The following SLC35F1 variants were observed in gnomAD, a reference collection of about 807,000 sequenced individuals.
SLC35F1 encodes the protein chromosome 6 open reading frame 169.
Under a neutral mutation model 48.7 loss-of-function variants are expected in SLC35F1, and 14 were observed. That is an observed-to-expected ratio of 0.29 (90% CI 0.19 to 0.45). SLC35F1 has a LOEUF of 0.45. SLC35F1 is among the 20% of genes least tolerant of loss of function. The pLI is 1.00. For missense variants in SLC35F1, 404 were observed against 500.0 expected, an observed-to-expected ratio of 0.81 and a Z score of 1.83; for synonymous variants, 190 against 202.2, an observed-to-expected ratio of 0.94 and a Z score of 0.51.
chr6:118,075,716 G>A (rs1015861988), intron 1 of SLC35F1, among the ~76,000 whole-genome samples: 7 of 152,118 alleles, frequency 4.6e-5, no homozygotes, highest in African/African-American at 1.7e-4. Flanking sequence ...GGTGCTTAAT[G>A]GATATAGATT....
intron 1 of SLC35F1, among the ~76,000 whole-genome samples, chr6:117,930,147 C>G (rs1002183323): frequency 6.6e-6 from 1 of 152,062 alleles, no homozygotes; most frequent in African/African-American, 2.4e-5. Flanking sequence ...TTGTTTTGTC[C>G]CTTTGACAGA....
At chr6:118,210,477 G>T (rs930186780) in intron 2 of SLC35F1, among the ~76,000 whole-genome samples, 1 of 152,164 alleles carries the variant, frequency 6.6e-6, no homozygotes, top group African/African-American at 2.4e-5. Flanking sequence ...ACAAACAAAA[G>T]AGTAGAAAAA....
At chr6:117,969,736 A>G (rs1239383063) in intron 1 of SLC35F1, among the ~76,000 whole-genome samples, 1 of 152,066 alleles carries the variant, frequency 6.6e-6, no homozygotes, top group East Asian at 1.9e-4. Flanking sequence ...ATCATCTGCA[A>G]TTTCATAACC....
intron 2 of SLC35F1, among the ~76,000 whole-genome samples, chr6:118,234,205 C>A (rs1341792437): frequency 4.6e-5 from 7 of 152,178 alleles, no homozygotes; most frequent in Non-Finnish European, 1.0e-4. Context: ...CTAAGATGGC[C>A]TCCAAGGATC....
intron 3 of SLC35F1, among the ~76,000 whole-genome samples, chr6:118,241,951 G>A (rs868529398): frequency 7.2e-5 from 11 of 152,168 alleles, no homozygotes; most frequent in African/African-American, 2.7e-4. Context: ...GAATAAACCA[G>A]AATTTGTTTA....
At chr6:118,243,767 G>A (rs755900767) in intron 3 of SLC35F1, among the ~76,000 whole-genome samples, 31 of 152,152 alleles carry the variant, frequency 2.0e-4, no homozygotes, top group African/African-American at 3.6e-4. Flanking sequence ...CATTAGAAAC[G>A]GGTCCCAGGA....
At chr6:118,150,902 C>G (rs967073694) in intron 1 of SLC35F1, among the ~76,000 whole-genome samples, 1 of 152,132 alleles carries the variant, frequency 6.6e-6, no homozygotes, top group Non-Finnish European at 1.5e-5. Flanking sequence ...TTCCTTTTCA[C>G]TTAGTCACTA....
At chr6:118,295,262 A>T (rs1174176627) in intron 7 of SLC35F1, among the ~76,000 whole-genome samples, 1 of 152,150 alleles carries the variant, frequency 6.6e-6, no homozygotes, top group African/African-American at 2.4e-5. Flanking sequence ...AAAGAATGAT[A>T]TCCAGACAAT....
At chr6:118,068,578 A>G (rs1183923680) in intron 1 of SLC35F1, among the ~76,000 whole-genome samples, 2 of 152,202 alleles carry the variant, frequency 1.3e-5, no homozygotes, top group Admixed American at 6.5e-5. Flanking sequence ...TTCTTTTGGC[A>G]GTATATTTGC....
chr6:118,079,284 T>C (rs535800634), intron 1 of SLC35F1, among the ~76,000 whole-genome samples: 6 of 152,334 alleles, frequency 3.9e-5, no homozygotes, highest in African/African-American at 1.4e-4. Context: ...AATCTTTCCT[T>C]TTGTGTCTGT....
chr6:118,015,835 A>T (rs1442952687), intron 1 of SLC35F1, among the ~76,000 whole-genome samples: 1 of 152,136 alleles, frequency 6.6e-6, no homozygotes, highest in African/African-American at 2.4e-5. Flanking sequence ...TCTTTACCAG[A>T]CTAAAAGCTC....
chr6:118,234,251 C>T (rs1226155935), intron 2 of SLC35F1, among the ~76,000 whole-genome samples: 1 of 152,168 alleles, frequency 6.6e-6, no homozygotes, highest in Non-Finnish European at 1.5e-5. Context: ...ATGAAATTCT[C>T]TCCCCTTGAA....
intron 2 of SLC35F1, among the ~76,000 whole-genome samples, chr6:118,174,954 T>C (rs934886358): frequency 1.3e-5 from 2 of 151,762 alleles, no homozygotes; most frequent in South Asian, 2.1e-4. Context: ...TCTTTAAAAG[T>C]GAAGACAATT....
intron 1 of SLC35F1, among the ~76,000 whole-genome samples, chr6:117,938,519 C>G (rs1366736981): frequency 6.6e-6 from 1 of 152,218 alleles, no homozygotes; most frequent in Non-Finnish European, 1.5e-5. Context: ...CTCACTGCCC[C>G]CAGCCCACCT....
chr6:118,208,529 A>C (rs936225350), intron 2 of SLC35F1, among the ~76,000 whole-genome samples: 1 of 152,230 alleles, frequency 6.6e-6, no homozygotes. Flanking sequence ...CTTATCTTGT[A>C]ACAAGAAATT....
chr6:117,907,926 CG>C (rs1582554971), intron 1 of SLC35F1, 27 bp downstream of exon 1: 6 of 1,302,714 alleles, frequency 4.6e-6, no homozygotes, highest in Non-Finnish European at 2.9e-6. Flanking sequence ...GGCGAGGGCG[CG>C]GGGGGCGGGG....
chr6:118,141,089 C>T (rs1050281363), intron 1 of SLC35F1, among the ~76,000 whole-genome samples: 4 of 152,084 alleles, frequency 2.6e-5, no homozygotes, highest in African/African-American at 9.7e-5. Flanking sequence ...TACAGTAGTG[C>T]CCAGTAGTGT....
intron 1 of SLC35F1, among the ~76,000 whole-genome samples, chr6:118,086,701 C>T (rs1458804925): frequency 6.6e-6 from 1 of 152,172 alleles, no homozygotes; most frequent in Non-Finnish European, 1.5e-5. Context: ...TTTTAGAAGC[C>T]TTGGTTCACC....
At chr6:117,990,437 T>C (rs1213699530) in intron 1 of SLC35F1, among the ~76,000 whole-genome samples, 2 of 152,184 alleles carry the variant, frequency 1.3e-5, no homozygotes, top group African/African-American at 4.8e-5. Context: ...GTGGTAGATT[T>C]CCATGGAAGT....
Sources: allele counts gnomAD v4.1 joint callset (sites outside exome capture counted in the v4.1 genomes callset), GRCh38; gene constraint gnomAD v4.1.1; transcripts MANE v1.5; gene names NCBI Gene and HGNC (gene_info 2026-07-23, HGNC 2026-07-21).